Variants in CAPG observed in about 807,000 individuals in gnomAD.
The protein encoded by CAPG is capping actin protein, gelsolin like, also known as macrophage-capping protein.
In CAPG, 32 loss-of-function variants were observed where a neutral mutation model predicts 44.6. The observed-to-expected ratio is 0.72, with a 90% CI of 0.54 to 0.96. The LOEUF (loss-of-function observed/expected upper bound fraction) is 0.96, where lower values mean the gene tolerates loss of function less well. CAPG is among the 50% of genes least tolerant of loss of function. The pLI, the probability that CAPG is intolerant of heterozygous loss-of-function variation, is 0.00. For missense variants in CAPG, 412 were observed against 438.3 expected, an observed-to-expected ratio of 0.94 and a Z score of 0.54; for synonymous variants, 175 against 179.6, an observed-to-expected ratio of 0.97 and a Z score of 0.20.
chr2:85,398,853 G>C, intron 6 of CAPG, 71 bp from the exon 7 acceptor site: 1 of 1,227,682 alleles, frequency 8.1e-7, no homozygotes, highest in South Asian at 1.4e-5. Flanking sequence ...TCATGCCCAG[G>C]GCCACTGCTT....
rs1280426938 is a variant in CAPG, at chr2:85,404,876, C to T, written c.-13-2718G>A. ...GCTTGAGCCCAGGAGATAGAGGCTGCAGTAAGCCAAGATCATGCCACTGAA... is the reference window on the plus strand; with the variant it reads ...GCTTGAGCCCAGGAGATAGAGGCTGTAGTAAGCCAAGATCATGCCACTGAA... On this transcript the variant is annotated intron_variant, in intron 1 of 9. Transcript: ENST00000263867. Among the ~76,000 whole-genome samples, 3 of 150,452 alleles carry T rather than the reference C, an allele frequency of 2.0e-5. No individual in the cohort carries two copies. The Admixed American group carries it at 2.0e-4, about 10-fold the overall frequency.
downstream of CAPG, among the ~76,000 whole-genome samples, chr2:85,393,409 G>A (rs902179452): frequency 2.6e-5 from 4 of 152,052 alleles, no homozygotes; most frequent in African/African-American, 4.8e-5. Context: ...AATACTCCCC[G>A]TCTCTACAAA....
chr2:85,412,806 A>T (rs1490078767), upstream of CAPG, among the ~76,000 whole-genome samples: 1 of 152,188 alleles, frequency 6.6e-6, no homozygotes, highest in Non-Finnish European at 1.5e-5. Context: ...TAAGAGCTAG[A>T]CAATTTGGCT....
chr2:85,409,068 C>A (rs539939055), intron 1 of CAPG, among the ~76,000 whole-genome samples: 2 of 152,118 alleles, frequency 1.3e-5, no homozygotes, highest in Admixed American at 1.3e-4. Flanking sequence ...GTTATGGACC[C>A]GCCTACCTCC....
At chr2:85,408,052 C>G (rs1379579731) in intron 1 of CAPG, among the ~76,000 whole-genome samples, 1 of 152,110 alleles carries the variant, frequency 6.6e-6, no homozygotes, top group Non-Finnish European at 1.5e-5. Flanking sequence ...TTAAAGCCCC[C>G]TCATCCTAGG....
downstream of CAPG, among the ~76,000 whole-genome samples, chr2:85,394,114 T>G (rs1377545883): frequency 6.6e-6 from 1 of 152,220 alleles, no homozygotes; most frequent in Non-Finnish European, 1.5e-5. Context: ...ATGGGACCTC[T>G]TCTTGGCTAC....
intron 1 of CAPG, among the ~76,000 whole-genome samples, chr2:85,417,240 C>A (rs1246161200): frequency 1.3e-5 from 2 of 152,192 alleles, no homozygotes; most frequent in East Asian, 3.9e-4. Context: ...ATATGATTTT[C>A]TCATTTAATC....
At chr2:85,409,606 C>T (rs183281634) in intron 1 of CAPG, among the ~76,000 whole-genome samples, 85 of 152,116 alleles carry the variant, frequency 5.6e-4, no homozygotes, top group Non-Finnish European at 1.1e-3. Context: ...TAGGTGCCCA[C>T]CCTCGAAACC....
chr2:85,399,030 G>A, intron 6 of CAPG, 106 bp downstream of exon 6: 4 of 1,290,526 alleles, frequency 3.1e-6, no homozygotes, highest in Non-Finnish European at 4.4e-6. Flanking sequence ...ACACCAGATG[G>A]CCCCTGCCAC....
At chr2:85,407,039 T>G (rs1048543478) in intron 1 of CAPG, among the ~76,000 whole-genome samples, 1 of 151,430 alleles carries the variant, frequency 6.6e-6, no homozygotes, top group Non-Finnish European at 1.5e-5. Flanking sequence ...GAAGCAATTC[T>G]CCTGCCTCAG....
intron 6 of CAPG, 126 bp downstream of exon 6, chr2:85,399,010 C>A: frequency 8.8e-7 from 1 of 1,130,034 alleles, no homozygotes; most frequent in Admixed American, 1.9e-5. Flanking sequence ...TGGCCACAGC[C>A]CTAGGCAGTA....
chr2:85,412,337 C>T (rs920464177), upstream of CAPG, among the ~76,000 whole-genome samples: 9 of 152,090 alleles, frequency 5.9e-5, no homozygotes, highest in African/African-American at 2.2e-4. Context: ...ATGGTTAAAC[C>T]GCCATCTCTA....
Position 85,398,157 on chromosome 2 carries a change from G to C in CAPG, c.760-5C>G, listed in dbSNP as rs1291292674. 6.2e-7 allele frequency: 1 copy of C among 1,612,714 alleles called. No individual in the cohort carries two copies. The highest frequency in any genetic ancestry group is 1.3e-5 in the African/African-American group (1 of 74,880). ...CTGTCCAGTGGCATCAGAGACCTGG[G>C]GAGGAGGGACAGTGCCTGATCTCAC... On this transcript the variant is annotated splice_polypyrimidine_tract_variant and splice_region_variant and intron_variant, in intron 7 of 9. Coordinates refer to ENST00000263867, the MANE Select transcript of CAPG (RefSeq NM_001747.4).
At chr2:85,408,449 G>A (rs556508302) in intron 1 of CAPG, among the ~76,000 whole-genome samples, 33 of 151,410 alleles carry the variant, frequency 2.2e-4, no homozygotes, top group African/African-American at 8.0e-4. Flanking sequence ...ACATTAAGTG[G>A]CCTCCGCCTT....
Position 85,395,090 on chromosome 2 carries a change from TG to T in CAPG, c.982-133del, listed in dbSNP as rs1289104875. ...GCCTGAATCCATGTGCAGTCCAGGCTGGGAAAGCTCCCCTGGATGAGCCATG... is the reference window on the plus strand; with the variant it reads ...GCCTGAATCCATGTGCAGTCCAGGCTGGAAAGCTCCCCTGGATGAGCCATG... On this transcript the variant is annotated intron_variant, in intron 9 of 9. Transcript: ENST00000263867. The surrounding 1 kb of genome is among the most constrained non-coding windows in gnomAD (Gnocchi z 4.3). The T allele has an allele frequency of 1.5e-6, 1 of 687,784 alleles. No homozygotes were observed. Among genetic ancestry groups the T allele is most frequent in the African/African-American group, 1.8e-5 (1 of 55,046 alleles). The allele number at this position is 687,784 out of a possible 1,614,324, so 42.6% of individuals were successfully genotyped here.
chr2:85,404,670 C>G (rs1240266595), intron 1 of CAPG, among the ~76,000 whole-genome samples: 3 of 152,058 alleles, frequency 2.0e-5, no homozygotes, highest in African/African-American at 7.2e-5. Context: ...ATTGCTTGAA[C>G]CCAGGAGGCA....
At chr2:85,398,824 C>T (rs754199541) in intron 6 of CAPG, 42 bp from the exon 7 acceptor site, 1 of 1,439,410 alleles carries the variant, frequency 6.9e-7, no homozygotes, top group Non-Finnish European at 9.5e-7. Context: ...GGACCCCTGC[C>T]CTGGAACTTC....
chr2:85,395,866 T>C lies in CAPG; in HGVS notation c.893-240A>G, dbSNP rs544081428. ...CCCCTCGTCTGCCCGGGTCTGATCA[T>C]GCAAAACTCTGCTCTGACCTGGGCC... On this transcript the variant is annotated intron_variant, in intron 8 of 9. Transcript: ENST00000263867. The surrounding 1 kb of genome is among the most constrained non-coding windows in gnomAD (Gnocchi z 4.3). 1.6e-4 allele frequency: 82 copies of C among 518,156 alleles called. No homozygotes were observed. The South Asian group carries it at 1.7e-3, about 11-fold the overall frequency. The allele number at this position is 518,156 out of a possible 1,614,324, so 32.1% of individuals were successfully genotyped here. A position where few individuals can be genotyped will look rare whatever the true frequency, so the allele number is the denominator to read the frequency against.
At chr2:85,417,577 A>C (rs1477235887) in intron 1 of CAPG, among the ~76,000 whole-genome samples, 1 of 146,174 alleles carries the variant, frequency 6.8e-6, no homozygotes, top group African/African-American at 2.6e-5. Flanking sequence ...CCGCCTCCTG[A>C]GTTCAAGCAA....
Sources: gnomAD v4.1 joint callset for allele counts (sites outside exome capture counted in the v4.1 genomes callset) on GRCh38, gnomAD v4.1.1 for gene constraint, Gnocchi (gnomAD v3.1) non-coding constraint, MANE v1.5 for transcripts, NCBI Gene and HGNC (gene_info 2026-07-23, HGNC 2026-07-21) for gene names.